IL10RB: variants seen among roughly 807,000 people sequenced by gnomAD.
IL10RB encodes the protein interleukin 10 receptor subunit beta.
Under a neutral mutation model 38.7 loss-of-function variants are expected in IL10RB, and 30 were observed. The ratio of observed to expected loss-of-function variants is 0.78; its 90% CI spans 0.58 to 1.05. IL10RB has a LOEUF of 1.05. Ranked by LOEUF, IL10RB falls within the 50% of genes least tolerant of loss-of-function variation. IL10RB has a pLI of 0.00. For synonymous variants in IL10RB, 142 were observed against 145.9 expected, an observed-to-expected ratio of 0.97 and a Z score of 0.19; for missense variants, 328 against 397.1, an observed-to-expected ratio of 0.83 and a Z score of 1.48.
chr21:33,297,577 G>A (rs151009386), downstream of IL10RB, among the ~76,000 whole-genome samples: 90 of 152,248 alleles, frequency 5.9e-4, 1 homozygote, highest in African/African-American at 2.2e-3. Flanking sequence ...CAGAACTTTG[G>A]GAGGCTGAAG....
chr21:33,267,156 T>C (rs1486207893), intron 1 of IL10RB, among the ~76,000 whole-genome samples: 1 of 152,108 alleles, frequency 6.6e-6, no homozygotes. Flanking sequence ...GTCACCTCCT[T>C]CCTTTCTCAT....
At chr21:33,267,491 TTTG>T (rs1247383148) in intron 1 of IL10RB, among the ~76,000 whole-genome samples, 18 of 145,066 alleles carry the variant, frequency 1.2e-4, no homozygotes, top group African/African-American at 4.4e-4. Context: ...CGTTTTTTTT[TTTG>T]TTTGTTTGTT....
At chr21:33,290,535 G>C (rs538232372) in intron 6 of IL10RB, among the ~76,000 whole-genome samples, 12 of 152,288 alleles carry the variant, frequency 7.9e-5, no homozygotes, top group African/African-American at 2.9e-4. Context: ...GTAGGTCACT[G>C]GGCATGATGA....
intron 5 of IL10RB, among the ~76,000 whole-genome samples, chr21:33,283,577 C>G (rs904724992): frequency 6.6e-6 from 1 of 152,218 alleles, no homozygotes; most frequent in African/African-American, 2.4e-5. Context: ...ACCAGCAGAG[C>G]TCAAGCCCTG....
chr21:33,283,170 G>C lies in IL10RB; in HGVS notation c.575G>C (p.Arg192Pro). 1 of 1,614,016 alleles carries C rather than the reference G, an allele frequency of 6.2e-7. No individual in the cohort carries two copies. The highest frequency in any genetic ancestry group is 1.3e-5 in the African/African-American group (1 of 74,994). ...EPWTTYCVQV[R>P]GFLPDRNKAG... The stretch of plus-strand genomic sequence containing the variant: ...TGGACAACTTATTGTGTTCAAGTTC[G>C]AGGGTTTCTTCCTGATCGGAACAAA... The change falls in exon 5 of 7, where the codon CGA (arginine) becomes CCA (proline). Residue 192 changes from arginine to proline, a missense_variant. Coordinates refer to ENST00000290200, the MANE Select transcript of IL10RB (RefSeq NM_000628.5).
chr21:33,296,840 C>T lies in IL10RB; in HGVS notation c.*483C>T, dbSNP rs1234394154. The T allele has an allele frequency of 6.5e-6, 2 of 307,206 alleles. No homozygotes were observed. The highest frequency in any genetic ancestry group is 2.2e-5 in the African/African-American group (1 of 45,512). 19.0% of individuals were successfully genotyped at this position (307,206 alleles called of 1,614,324 possible). A position where few individuals can be genotyped will look rare whatever the true frequency, so the allele number is the denominator to read the frequency against. On this transcript the variant is annotated 3_prime_UTR_variant, in exon 7 of 7. Transcript: ENST00000290200. Reference sequence around the variant, plus strand: ...GCGCATGCCTATAATCCCAGCTACTCGAGTGCCTGAGGCAGGAGAATTGCA... The same window carrying T: ...GCGCATGCCTATAATCCCAGCTACTTGAGTGCCTGAGGCAGGAGAATTGCA...
chr21:33,290,282 C>T (rs1455166877), intron 6 of IL10RB, among the ~76,000 whole-genome samples: 1 of 151,844 alleles, frequency 6.6e-6, no homozygotes, highest in Non-Finnish European at 1.5e-5. Context: ...AGCGAGACTC[C>T]ATCTCAAAAT....
intron 6 of IL10RB, among the ~76,000 whole-genome samples, chr21:33,291,948 A>G (rs554463884): frequency 6.6e-6 from 1 of 152,246 alleles, no homozygotes; most frequent in African/African-American, 2.4e-5. Flanking sequence ...TGCTGTGTTC[A>G]TGAGCCCTGT....
rs45516792 is a variant in IL10RB, at chr21:33,269,110, T to C, written c.173+593T>C. ...CTGAAATTAAAAGTAAGACAGCTAC[T>C]GACTGTTAAAAACCCCATTCTCGGA... On this transcript the variant is annotated intron_variant, in intron 2 of 6. Coordinates refer to ENST00000290200, the MANE Select transcript of IL10RB (RefSeq NM_000628.5). Among the ~76,000 whole-genome samples, 49 of 152,356 alleles carry C rather than the reference T, an allele frequency of 3.2e-4. No homozygotes were observed. In the East Asian group the frequency reaches 5.8e-3, roughly 18 times the overall value.
At chr21:33,284,296 C>CAAAAA (rs59098773) in intron 5 of IL10RB, among the ~76,000 whole-genome samples, 1 of 69,134 alleles carries the variant, frequency 1.4e-5, no homozygotes, top group Non-Finnish European at 3.8e-5. Context: ...GACCCTGCCT[C>CAAAAA]AAAAAAAAAA....
chr21:33,282,861 G>T (rs111228802), intron 4 of IL10RB, among the ~76,000 whole-genome samples: 12 of 152,292 alleles, frequency 7.9e-5, no homozygotes, highest in African/African-American at 2.9e-4. Flanking sequence ...GTGATGGCTT[G>T]TGTGTCATTT....
downstream of IL10RB, among the ~76,000 whole-genome samples, chr21:33,300,924 T>A (rs528822684): frequency 1.3e-5 from 2 of 152,218 alleles, no homozygotes; most frequent in Non-Finnish European, 2.9e-5. Context: ...CAGCTTGCGA[T>A]CATTTGTTAC....
At chr21:33,285,819 C>T (rs1989362072) in intron 5 of IL10RB, among the ~76,000 whole-genome samples, 1 of 152,126 alleles carries the variant, frequency 6.6e-6, no homozygotes, top group Non-Finnish European at 1.5e-5. Flanking sequence ...GATGTCAAAT[C>T]CCAAGGAGAC....
chr21:33,298,390 G>A (rs916844016), downstream of IL10RB, among the ~76,000 whole-genome samples: 3 of 152,092 alleles, frequency 2.0e-5, no homozygotes, highest in Non-Finnish European at 4.4e-5. Flanking sequence ...GAGGCAGGTG[G>A]ATCACCTGAG....
intron 1 of IL10RB, 37 bp downstream of exon 1, chr21:33,266,551 C>T (rs1025886670): frequency 3.1e-5 from 48 of 1,535,022 alleles, no homozygotes; most frequent in Admixed American, 7.9e-5. Flanking sequence ...GCTTGGGAAC[C>T]GGGAGGCCCC....
At chr21:33,280,049 T>A in intron 4 of IL10RB, 131 bp downstream of exon 4, 1 of 819,534 alleles carries the variant, frequency 1.2e-6, no homozygotes, top group Non-Finnish European at 2.1e-6. Context: ...GTTACTGGTA[T>A]CTCTGGCTCA....
rs188481656 is a variant in IL10RB at position 33,267,055 on chromosome 21, C to T, written c.49+541C>T. On this transcript the variant is annotated intron_variant, in intron 1 of 6. Transcript: ENST00000290200. ...CACCCTGAAATCTGGATTCTGTCCC[C>T]CAGCGCCCCAGCTCCATGGCTTCTA... Among the ~76,000 whole-genome samples, 68 of 152,294 alleles carry T rather than the reference C, an allele frequency of 4.5e-4. 1 individual carries two copies. The East Asian group carries it at 0.013, about 28-fold the overall frequency.
At chr21:33,282,868 A>G (rs1275398597) in intron 4 of IL10RB, among the ~76,000 whole-genome samples, 1 of 152,120 alleles carries the variant, frequency 6.6e-6, no homozygotes, top group African/African-American at 2.4e-5. Flanking sequence ...CTTGTGTGTC[A>G]TTTAAGCTGG....
Position 33,296,856 on chromosome 21 carries a change from G to A in IL10RB, c.*499G>A, listed in dbSNP as rs915838740. ...CCAGCTACTCGAGTGCCTGAGGCAG[G>A]AGAATTGCATGAACCCGGGAGGAGG... is the stretch of plus-strand genomic sequence containing the variant. On this transcript the variant is annotated 3_prime_UTR_variant, in exon 7 of 7. Coordinates refer to ENST00000290200, the MANE Select transcript of IL10RB (RefSeq NM_000628.5). 5.6e-5 allele frequency: 16 copies of A among 283,584 alleles called. No homozygotes were observed. The highest frequency in any genetic ancestry group is 8.3e-5 in the Non-Finnish European group (12 of 145,018). The allele number at this position is 283,584 out of a possible 1,614,324, so 17.6% of individuals were successfully genotyped here.
Sources: gnomAD v4.1 joint callset for allele counts (sites outside exome capture counted in the v4.1 genomes callset) on GRCh38, gnomAD v4.1.1 for gene constraint, MANE v1.5 for transcripts, NCBI Gene and HGNC (gene_info 2026-07-23, HGNC 2026-07-21) for gene names.